Variants in ADRA1A observed in about 807,000 individuals in gnomAD.
The protein encoded by ADRA1A is alpha-1A adrenergic receptor.
Under a neutral mutation model 29.6 loss-of-function variants are expected in ADRA1A, and 31 were observed. The ratio of observed to expected loss-of-function variants is 1.05; its 90% CI spans 0.79 to 1.41. ADRA1A has a LOEUF of 1.41. Among genes scored for constraint, ADRA1A ranks in the 40% most tolerant of loss-of-function variants. The pLI is 0.00. For synonymous variants in ADRA1A, 311 were observed against 254.3 expected (o/e 1.22, Z -2.12); for missense variants, 619 against 601.1 (o/e 1.03, Z -0.31).
intron 2 of ADRA1A, among the ~76,000 whole-genome samples, chr8:26,812,712 T>C (rs920646014): frequency 2.0e-5 from 3 of 151,914 alleles, no homozygotes; most frequent in East Asian, 1.9e-4. Context: ...TCACCCAGGC[T>C]GGAGTGCAGT....
chr8:26,817,334 A>C (rs775505447), intron 2 of ADRA1A, among the ~76,000 whole-genome samples: 9 of 152,240 alleles, frequency 5.9e-5, no homozygotes, highest in Non-Finnish European at 1.2e-4. Flanking sequence ...AGCAACAATG[A>C]GATACCATTT....
rs568614156 is a variant in ADRA1A at position 26,825,830 on chromosome 8, C to T, written c.883+38257G>A. Among the ~76,000 whole-genome samples the T allele has an allele frequency of 6.6e-6, 1 of 152,324 alleles. No individual in the cohort carries two copies. The highest frequency in any genetic ancestry group is 6.5e-5 in the Admixed American group (1 of 15,306). On this transcript the variant is annotated intron_variant, in intron 2 of 2. Transcript: ENST00000380573. This position sits in a 1 kb window ranked among gnomAD's most constrained non-coding sequence, Gnocchi z 5.7. ...CACAGTGTTGATTGCCTGTTTGATA[C>T]CTGCTTAAAACAGAAAATCGACTTC... is the stretch of plus-strand genomic sequence containing the variant.
At chr8:26,856,591 C>T (rs1410699111) in intron 2 of ADRA1A, among the ~76,000 whole-genome samples, 4 of 152,166 alleles carry the variant, frequency 2.6e-5, no homozygotes, top group Non-Finnish European at 4.4e-5. Context: ...AAAGTCTTCG[C>T]ACGTTCTCTT....
chr8:26,824,042 C>T (rs1810370953), intron 2 of ADRA1A, among the ~76,000 whole-genome samples: 1 of 152,108 alleles, frequency 6.6e-6, no homozygotes, highest in Non-Finnish European at 1.5e-5. Context: ...TCAGCCCCCA[C>T]ACCTGCTGTA....
chr8:26,800,885 A>C (rs1045821174), intron 2 of ADRA1A, among the ~76,000 whole-genome samples: 10 of 152,124 alleles, frequency 6.6e-5, no homozygotes, highest in Non-Finnish European at 1.0e-4. Flanking sequence ...TCAGCAAAAC[A>C]CTTGTAGTCC....
At chr8:26,847,123 G>A (rs1344750540) in intron 2 of ADRA1A, among the ~76,000 whole-genome samples, 2 of 152,114 alleles carry the variant, frequency 1.3e-5, no homozygotes, top group South Asian at 2.1e-4. Flanking sequence ...AATGCTAGAT[G>A]ACGAGTTAGT....
At position 26,776,779 on chromosome 8, in the gene ADRA1A, C is replaced by T. The variant is rs538929627; in HGVS notation, c.884-6113G>A. ...GTTCAGAAGGGTTTGTCAGCAGGGC[C>T]TTACATTCTGAGAAATGAAGTTTGA... On this transcript the variant is annotated intron_variant, in intron 2 of 2. Transcript: ENST00000380573. Among the ~76,000 whole-genome samples, 3 of 152,280 alleles carry T rather than the reference C, an allele frequency of 2.0e-5. No individual in the cohort carries two copies. The East Asian group carries it at 5.8e-4, about 29-fold the overall frequency.
intron 2 of ADRA1A, among the ~76,000 whole-genome samples, chr8:26,852,821 A>G (rs1812736127): frequency 6.6e-6 from 1 of 152,214 alleles, no homozygotes; most frequent in South Asian, 2.1e-4. Context: ...TTATGAAATT[A>G]ACATAAACGT....
intron 2 of ADRA1A, among the ~76,000 whole-genome samples, chr8:26,852,261 T>G (rs146691892): frequency 9.9e-5 from 15 of 152,210 alleles, no homozygotes; most frequent in African/African-American, 3.6e-4. Flanking sequence ...TAGAAGCAAA[T>G]GTACAGCTTG....
chr8:26,807,289 C>T (rs1252413089), intron 2 of ADRA1A, among the ~76,000 whole-genome samples: 1 of 152,134 alleles, frequency 6.6e-6, no homozygotes, highest in African/African-American at 2.4e-5. Flanking sequence ...CACAGGGCTG[C>T]TTCTTTTGAT....
At position 26,815,440 on chromosome 8, in the gene ADRA1A, T is replaced by C. The variant is rs1380747247; in HGVS notation, c.884-44774A>G. Among the ~76,000 whole-genome samples the C allele has an allele frequency of 3.3e-5, 5 of 152,202 alleles. No individual in the cohort carries two copies. The highest frequency in any genetic ancestry group is 5.9e-5 in the Non-Finnish European group (4 of 68,034). On this transcript the variant is annotated intron_variant, in intron 2 of 2. Transcript: ENST00000380573. The surrounding 1 kb of genome is among the most constrained non-coding windows in gnomAD (Gnocchi z 4.2). ...AACCTAAGTATTAATGTAACACTGA[T>C]TTCAAGCTACCTTATGGGATTTGTT... is the stretch of plus-strand genomic sequence containing the variant.
At position 26,866,812 on chromosome 8, in the gene ADRA1A, G is replaced by T. The variant is rs925039769; in HGVS notation, c.-687+124C>A. The T allele has an allele frequency of 1.4e-5, 13 of 948,212 alleles. No homozygotes were observed. The highest frequency in any genetic ancestry group is 1.6e-5 in the Non-Finnish European group (13 of 795,608). The allele number at this position is 948,212 out of a possible 1,614,324, so 58.7% of individuals were successfully genotyped here. On this transcript the variant is annotated intron_variant, in intron 1 of 2. Transcript: ENST00000380573. The surrounding 1 kb of genome is among the most constrained non-coding windows in gnomAD (Gnocchi z 5.7). ...AATCGGGGGTGGGGTAGAGGGGCCGGTATAAAACCTGGTGGAAAAAGCGGG... is the reference window on the plus strand; with the variant it reads ...AATCGGGGGTGGGGTAGAGGGGCCGTTATAAAACCTGGTGGAAAAAGCGGG...
chr8:26,793,696 G>A (rs946953733), intron 2 of ADRA1A, among the ~76,000 whole-genome samples: 1 of 151,826 alleles, frequency 6.6e-6, no homozygotes, highest in African/African-American at 2.4e-5. Context: ...ACCGTATGCA[G>A]ATAACATGAA....
At chr8:26,763,390 G>T (rs186049079), downstream of ADRA1A, among the ~76,000 whole-genome samples, 7 of 152,292 alleles carry the variant, frequency 4.6e-5, no homozygotes, top group Admixed American at 2.6e-4. The surrounding 1 kb of genome is among the most constrained non-coding windows in gnomAD (Gnocchi z 4.5). Context: ...CAGCCAGATT[G>T]TGCTGTGGGG....
intron 2 of ADRA1A, among the ~76,000 whole-genome samples, chr8:26,818,545 T>G (rs1045863205): frequency 5.3e-5 from 8 of 152,090 alleles, no homozygotes; most frequent in Non-Finnish European, 8.8e-5. Flanking sequence ...TCTCAAAGTA[T>G]AATACATAGG....
chr8:26,837,809 G>A (rs1258381966), intron 2 of ADRA1A, among the ~76,000 whole-genome samples: 1 of 104,434 alleles, frequency 9.6e-6, no homozygotes, highest in African/African-American at 3.1e-5. Flanking sequence ...GAGCTGACAT[G>A]TTTGGAGAAG....
At chr8:26,818,141 G>A (rs1412251442) in intron 2 of ADRA1A, among the ~76,000 whole-genome samples, 2 of 152,136 alleles carry the variant, frequency 1.3e-5, no homozygotes, top group Non-Finnish European at 2.9e-5. Flanking sequence ...TATAGAGAAA[G>A]AAAACTCAGT....
chr8:26,818,862 A>G (rs552974306), intron 2 of ADRA1A, among the ~76,000 whole-genome samples: 1 of 152,250 alleles, frequency 6.6e-6, no homozygotes, highest in Non-Finnish European at 1.5e-5. Flanking sequence ...GTAAAATAAT[A>G]CATGCATAAT....
chr8:26,768,060 G>A (rs1805885641), downstream of ADRA1A, among the ~76,000 whole-genome samples: 1 of 152,086 alleles, frequency 6.6e-6, no homozygotes, highest in South Asian at 2.1e-4. Context: ...ATATGTATCT[G>A]GCCAGTAAGA....
Sources: gnomAD v4.1 joint callset for allele counts (sites outside exome capture counted in the v4.1 genomes callset) on GRCh38, gnomAD v4.1.1 for gene constraint, Gnocchi (gnomAD v3.1) non-coding constraint, MANE v1.5 for transcripts, NCBI Gene and HGNC (gene_info 2026-07-23, HGNC 2026-07-21) for gene names.